The following FOXN3 variants were observed in gnomAD, a reference collection of about 807,000 sequenced individuals.
FOXN3 encodes forkhead box protein N3.
A neutral mutation model predicts 38.4 loss-of-function variants in FOXN3; 7 were observed. The observed-to-expected ratio is 0.18, with a 90% CI of 0.10 to 0.34. The LOEUF (loss-of-function observed/expected upper bound fraction) is 0.34. Among genes scored for constraint, FOXN3 ranks in the 10% least tolerant of loss-of-function variants. FOXN3 has a pLI of 1.00. For missense variants in FOXN3, 456 were observed against 613.4 expected (o/e 0.74, Z 2.71); for synonymous variants, 230 against 242.2 (o/e 0.95, Z 0.47).
chr14:89,506,624 G>A (rs1893945950), intron 1 of FOXN3, among the ~76,000 whole-genome samples: 1 of 152,214 alleles, frequency 6.6e-6, no homozygotes, highest in South Asian at 2.1e-4. Flanking sequence ...TCTGGGAGGT[G>A]TACTCAACAG....
At chr14:89,168,916 C>A (rs1197765737) in intron 5 of FOXN3, among the ~76,000 whole-genome samples, 1 of 152,124 alleles carries the variant, frequency 6.6e-6, no homozygotes, top group Non-Finnish European at 1.5e-5. Context: ...ACAAGTGAAG[C>A]AGAAGAAAGT....
Position 89,500,896 on chromosome 14 carries a change from C to T in FOXN3, c.-14-88406G>A, listed in dbSNP as rs139909627. ...GGCAGGATTCGGGAAGGAAATTCTC[C>T]TATGAATGGAAACGTCTCCTTTTCA... On this transcript the variant is annotated intron_variant, in intron 1 of 6. Transcript: ENST00000345097. Among the ~76,000 whole-genome samples the T allele has an allele frequency of 1.6e-3, 237 of 152,316 alleles. 1 individual carries two copies. The highest frequency in any genetic ancestry group is 5.5e-3 in the African/African-American group (227 of 41,560).
At chr14:89,393,296 C>A (rs1210292874) in intron 2 of FOXN3, among the ~76,000 whole-genome samples, 1 of 152,168 alleles carries the variant, frequency 6.6e-6, no homozygotes, top group African/African-American at 2.4e-5. Context: ...CCACCCTGAT[C>A]CAGTGTGACC....
At chr14:89,343,277 G>T (rs149315309) in intron 3 of FOXN3, among the ~76,000 whole-genome samples, 1 of 152,214 alleles carries the variant, frequency 6.6e-6, no homozygotes, top group East Asian at 1.9e-4. Flanking sequence ...TCTTCTAATT[G>T]TCTAAAAGGA....
intron 2 of FOXN3, among the ~76,000 whole-genome samples, chr14:89,390,311 C>A (rs60309617): frequency 0.066 from 9,253 of 139,158 alleles, 338 homozygotes; most frequent in African/African-American, 0.11. Context: ...CTCTCTCTCT[C>A]TCTATATATA....
chr14:89,608,507 C>T (rs1303508192), intron 1 of FOXN3, among the ~76,000 whole-genome samples: 1 of 152,194 alleles, frequency 6.6e-6, no homozygotes, highest in Non-Finnish European at 1.5e-5. Context: ...ATGTGGTGTA[C>T]AATGTATCTA....
rs1887013701 is a variant in FOXN3 at position 89,157,783 on chromosome 14, A to G, written c.*4631T>C. On this transcript the variant is annotated 3_prime_UTR_variant, in exon 6 of 6. Transcript: ENST00000557258. ...AAAAGTATTATTTAAATTAGATCAC[A>G]GTGCTGCATTATGTGCATAACAGTG... The G allele has an allele frequency of 6.6e-6, 1 of 152,670 alleles. No homozygotes were observed. Among genetic ancestry groups the G allele is most frequent in the Non-Finnish European group, 1.5e-5 (1 of 68,046 alleles). The allele number at this position is 152,670 out of a possible 1,614,324, so 9.5% of individuals were successfully genotyped here. A position where few individuals can be genotyped will look rare whatever the true frequency, so the allele number is the denominator to read the frequency against.
chr14:89,518,131 C>A (rs1044227129), intron 1 of FOXN3, among the ~76,000 whole-genome samples: 1 of 152,164 alleles, frequency 6.6e-6, no homozygotes, highest in Non-Finnish European at 1.5e-5. Flanking sequence ...CCAGAAGCTC[C>A]CTGTCATGCT....
chr14:89,404,124 A>C (rs1294992598), intron 2 of FOXN3, among the ~76,000 whole-genome samples: 1 of 152,174 alleles, frequency 6.6e-6, no homozygotes, highest in Non-Finnish European at 1.5e-5. Flanking sequence ...GACAAATGAA[A>C]GGTTTGCCAG....
At chr14:89,439,931 G>A (rs1188499560) in intron 1 of FOXN3, among the ~76,000 whole-genome samples, 1 of 152,122 alleles carries the variant, frequency 6.6e-6, no homozygotes, top group Non-Finnish European at 1.5e-5. Flanking sequence ...TGGGATTACA[G>A]GCGTGACCCA....
chr14:89,530,620 A>T (rs868681463), intron 1 of FOXN3, among the ~76,000 whole-genome samples: 1 of 151,506 alleles, frequency 6.6e-6, no homozygotes, highest in Non-Finnish European at 1.5e-5. Context: ...ATTTTATTTT[A>T]TTTTTTTGAG....
chr14:89,372,753 G>C (rs1290807924), intron 2 of FOXN3, among the ~76,000 whole-genome samples: 2 of 150,938 alleles, frequency 1.3e-5, no homozygotes, highest in Non-Finnish European at 2.9e-5. Flanking sequence ...AAACCTACAA[G>C]ATATAAAACA....
At chr14:89,507,189 C>G (rs1893960597) in intron 1 of FOXN3, among the ~76,000 whole-genome samples, 2 of 150,884 alleles carry the variant, frequency 1.3e-5, no homozygotes, top group Non-Finnish European at 2.9e-5. Flanking sequence ...ACAGCATGGA[C>G]AGCAGCTGAT....
At chr14:89,442,138 C>A (rs1892400482) in intron 1 of FOXN3, among the ~76,000 whole-genome samples, 1 of 152,034 alleles carries the variant, frequency 6.6e-6, no homozygotes, top group African/African-American at 2.4e-5. Flanking sequence ...GTTGGTCAGG[C>A]TGGTCTCGAA....
At chr14:89,394,026 T>C (rs966735040) in intron 2 of FOXN3, among the ~76,000 whole-genome samples, 1 of 151,924 alleles carries the variant, frequency 6.6e-6, no homozygotes, top group African/African-American at 2.4e-5. Flanking sequence ...CATTATCCCA[T>C]GGTGGGAAGT....
intron 1 of FOXN3, among the ~76,000 whole-genome samples, chr14:89,439,636 G>A (rs1386688412): frequency 6.6e-6 from 1 of 151,178 alleles, no homozygotes; most frequent in East Asian, 2.0e-4. Flanking sequence ...CTCTGCCCAT[G>A]GAGTAGCCAT....
At chr14:89,176,309 A>G (rs924348071) in intron 5 of FOXN3, among the ~76,000 whole-genome samples, 2 of 152,250 alleles carry the variant, frequency 1.3e-5, no homozygotes, top group Non-Finnish European at 2.9e-5. Flanking sequence ...ATCTATGTCA[A>G]TAACAGTTTC....
At chr14:89,482,834 C>T (rs146354679) in intron 1 of FOXN3, among the ~76,000 whole-genome samples, 1,938 of 150,930 alleles carry the variant, frequency 0.013, 39 homozygotes, top group African/African-American at 0.045. Context: ...CCCTTGAGCC[C>T]AGGAGTTCAA....
chr14:89,268,140 G>A (rs1886040578), intron 4 of FOXN3, among the ~76,000 whole-genome samples: 1 of 152,054 alleles, frequency 6.6e-6, no homozygotes, highest in African/African-American at 2.4e-5. Flanking sequence ...CCAAATGCTC[G>A]ACTTTAAGCT....
Sources: gnomAD v4.1 joint callset for allele counts (sites outside exome capture counted in the v4.1 genomes callset) on GRCh38, gnomAD v4.1.1 for gene constraint, MANE v1.5 for transcripts, NCBI Gene and HGNC (gene_info 2026-07-23, HGNC 2026-07-21) for gene names.